The following ADAMTSL1 variants were observed in gnomAD, a reference collection of about 807,000 sequenced individuals.
ADAMTSL1 encodes ADAMTS-like protein 1.
A neutral mutation model predicts 201.8 loss-of-function variants in ADAMTSL1; 126 were observed. The observed-to-expected ratio is 0.62, with a 90% CI of 0.54 to 0.72. The LOEUF is 0.72. Among genes scored for constraint, ADAMTSL1 ranks in the 30% least tolerant of loss-of-function variants. ADAMTSL1 has a pLI of 0.00. For missense variants in ADAMTSL1, 2,679 were observed against 2,277.8 expected (o/e 1.18, Z -3.59); for synonymous variants, 1,121 against 903.4 (o/e 1.24, Z -4.32).
chr9:18,883,977 T>C (rs1205296674), intron 23 of ADAMTSL1, among the ~76,000 whole-genome samples: 1 of 152,156 alleles, frequency 6.6e-6, no homozygotes, highest in East Asian at 1.9e-4. Flanking sequence ...TATTTAATTT[T>C]TTGAGGGGCC....
chr9:18,653,158 G>C (rs1052595501), intron 7 of ADAMTSL1, among the ~76,000 whole-genome samples: 6 of 152,154 alleles, frequency 3.9e-5, no homozygotes, highest in Non-Finnish European at 1.5e-5. Flanking sequence ...ACACAGCTAG[G>C]TTTAGGATGC....
intron 2 of ADAMTSL1, among the ~76,000 whole-genome samples, chr9:18,274,618 C>A (rs1052430217): frequency 6.6e-6 from 1 of 152,104 alleles, no homozygotes; most frequent in African/African-American, 2.4e-5. Context: ...AAAATTTCAG[C>A]ACCAAGGTTA....
intron 14 of ADAMTSL1, chr9:18,718,502 A>AT: frequency 1.8e-6 from 1 of 561,966 alleles, no homozygotes; most frequent in East Asian, 4.8e-5. Context: ...TCCTGGGCCA[A>AT]GAATGACTAG....
chr9:18,338,930 C>T (rs776497449), intron 2 of ADAMTSL1, among the ~76,000 whole-genome samples: 7 of 152,134 alleles, frequency 4.6e-5, no homozygotes, highest in South Asian at 2.1e-4. Context: ...CAGATCCAAC[C>T]ATGTTGCTGC....
chr9:18,429,416 G>A (rs1038107052), intron 2 of ADAMTSL1, among the ~76,000 whole-genome samples: 1 of 152,218 alleles, frequency 6.6e-6, no homozygotes, highest in South Asian at 2.1e-4. Flanking sequence ...TTTGGGTATT[G>A]GGATCTGGAT....
intron 1 of ADAMTSL1, among the ~76,000 whole-genome samples, chr9:18,053,175 G>A (rs1212290493): frequency 6.6e-6 from 1 of 152,146 alleles, no homozygotes; most frequent in Non-Finnish European, 1.5e-5. Context: ...AATGCAGGTT[G>A]GACTTCATGG....
chr9:18,479,875 T>G (rs146743523), intron 1 of ADAMTSL1, among the ~76,000 whole-genome samples: 81 of 152,344 alleles, frequency 5.3e-4, no homozygotes, highest in African/African-American at 1.9e-3. Context: ...ATGTGAAGCG[T>G]TTCACTATTT....
At chr9:18,722,329 A>G (rs149855255) in intron 15 of ADAMTSL1, among the ~76,000 whole-genome samples, 2 of 152,260 alleles carry the variant, frequency 1.3e-5, no homozygotes, top group East Asian at 3.9e-4. Context: ...TTTTGAGCAA[A>G]TCTCATCTAT....
chr9:18,717,083 G>T (rs7874996), intron 14 of ADAMTSL1, among the ~76,000 whole-genome samples: 104,108 of 131,400 alleles, frequency 0.79, 41,919 homozygotes, highest in Admixed American at 0.86. Flanking sequence ...TGGGGACTGT[G>T]GTGGGGTGGG....
intron 15 of ADAMTSL1, among the ~76,000 whole-genome samples, chr9:18,726,158 A>C (rs990168336): frequency 1.3e-5 from 2 of 152,174 alleles, no homozygotes; most frequent in Non-Finnish European, 2.9e-5. Flanking sequence ...GATTTTTAAA[A>C]ATTCAGGACT....
intron 2 of ADAMTSL1, among the ~76,000 whole-genome samples, chr9:18,450,164 T>C (rs959204216): frequency 1.3e-5 from 2 of 152,054 alleles, no homozygotes; most frequent in Non-Finnish European, 2.9e-5. Context: ...TTATGGAACA[T>C]CCATACAACG....
intron 2 of ADAMTSL1, among the ~76,000 whole-genome samples, chr9:18,521,387 G>A (rs1025610972): frequency 6.6e-6 from 1 of 151,530 alleles, no homozygotes; most frequent in East Asian, 1.9e-4. Context: ...ATTATGCATT[G>A]CATGCCTGTA....
At chr9:17,923,144 G>A (rs1458401417) in intron 1 of ADAMTSL1, among the ~76,000 whole-genome samples, 1 of 151,910 alleles carries the variant, frequency 6.6e-6, no homozygotes, top group Non-Finnish European at 1.5e-5. Flanking sequence ...GGTTCCATAT[G>A]AACTTTAAAG....
intron 2 of ADAMTSL1, among the ~76,000 whole-genome samples, chr9:18,445,719 C>T (rs961412796): frequency 2.0e-5 from 3 of 152,070 alleles, no homozygotes; most frequent in Non-Finnish European, 1.5e-5. Context: ...TTTTTATCAT[C>T]AGTTGAATTT....
chr9:17,949,680 C>T (rs934829318), intron 1 of ADAMTSL1, among the ~76,000 whole-genome samples: 2 of 152,030 alleles, frequency 1.3e-5, no homozygotes, highest in African/African-American at 2.4e-5. Context: ...AACCTGAGGC[C>T]CTTTCTTATC....
intron 13 of ADAMTSL1, among the ~76,000 whole-genome samples, chr9:18,701,200 A>G (rs1271857349): frequency 6.8e-6 from 1 of 147,776 alleles, no homozygotes; most frequent in East Asian, 2.0e-4. Context: ...GTAATCAGTA[A>G]TCTTTTGGGT....
intron 1 of ADAMTSL1, among the ~76,000 whole-genome samples, chr9:18,500,069 A>G (rs991794596): frequency 6.6e-6 from 1 of 152,224 alleles, no homozygotes; most frequent in Non-Finnish European, 1.5e-5. Context: ...GAAAGAGGCT[A>G]TGGATAAGTG....
At chr9:18,218,670 ATCAT>A (rs1247968938) in intron 2 of ADAMTSL1, among the ~76,000 whole-genome samples, 3 of 152,090 alleles carry the variant, frequency 2.0e-5, no homozygotes, top group Non-Finnish European at 4.4e-5. Flanking sequence ...CTAGACATTA[ATCAT>A]TCATATATAT....
chr9:18,166,558 A>G (rs766166742), intron 2 of ADAMTSL1, among the ~76,000 whole-genome samples: 1 of 151,934 alleles, frequency 6.6e-6, no homozygotes, highest in Non-Finnish European at 1.5e-5. Context: ...TATCATAAGT[A>G]ATGTAAACTC....
Sources: allele counts gnomAD v4.1 joint callset (sites outside exome capture counted in the v4.1 genomes callset), GRCh38; gene constraint gnomAD v4.1.1; transcripts MANE v1.5; gene names NCBI Gene and HGNC (gene_info 2026-07-23, HGNC 2026-07-21).